Variants in AAGAB observed in about 807,000 individuals in gnomAD.
AAGAB encodes alpha- and gamma-adaptin-binding protein p34.
Under a neutral mutation model 44.1 loss-of-function variants are expected in AAGAB, and 38 were observed. That is an observed-to-expected ratio of 0.86 (90% CI 0.67 to 1.13). AAGAB has a LOEUF of 1.13. Among genes scored for constraint, AAGAB ranks in the 50% most tolerant of loss-of-function variants. AAGAB has a pLI of 0.00. For synonymous variants in AAGAB, 131 were observed against 131.8 expected (o/e 0.99, Z 0.04); for missense variants, 450 against 373.8 (o/e 1.20, Z -1.68).
At chr15:67,203,983 T>C in intron 8 of AAGAB, 61 bp downstream of exon 8, 1 of 1,024,520 alleles carries the variant, frequency 9.8e-7, no homozygotes. Context: ...AATAAAATGC[T>C]ACTACGTAAA....
At chr15:67,223,610 G>A (rs1964134214) in intron 5 of AAGAB, among the ~76,000 whole-genome samples, 1 of 151,982 alleles carries the variant, frequency 6.6e-6, no homozygotes. Flanking sequence ...ATTGTAATAG[G>A]CCCCTAAGAG....
Position 67,236,419 on chromosome 15 carries a change from ACT to A in AAGAB, c.348_349del (p.Arg116SerfsTer3), listed in dbSNP as rs1567027297. 2 of 1,613,954 alleles carry A rather than the reference ACT, an allele frequency of 1.2e-6. No homozygotes were observed. Among genetic ancestry groups the A allele is most frequent in the Non-Finnish European group, 1.7e-6 (2 of 1,179,920 alleles). ...TCCACAGGCCTTACCATCTTCAGACACTCTATCGCAGACCAAGATCATCACCT... is the reference window on the plus strand; with the variant it reads ...TCCACAGGCCTTACCATCTTCAGACACTATCGCAGACCAAGATCATCACCT... On this transcript the variant is annotated frameshift_variant, in exon 3 of 10. Coordinates refer to ENST00000261880, the MANE Select transcript of AAGAB (RefSeq NM_024666.5). LOFTEE classifies it high-confidence loss of function.
Position 67,242,134 on chromosome 15 carries a change from C to T in AAGAB, c.74-5314G>A, listed in dbSNP as rs146754415. On this transcript the variant is annotated intron_variant, in intron 1 of 9. Coordinates refer to ENST00000261880, the MANE Select transcript of AAGAB (RefSeq NM_024666.5). ...AGCGAAAAGACAGACTTTTAAAAAT[C>T]ATATCGGGGCCGGGCGCGGTGGCTC... Among the ~76,000 whole-genome samples the T allele has an allele frequency of 2.8e-3, 394 of 142,380 alleles. 14 individuals carry two copies. Among genetic ancestry groups the T allele is most frequent in the African/African-American group, 9.4e-3 (380 of 40,528 alleles). 93.4% of individuals were successfully genotyped at this position (142,380 alleles called of 152,430 possible).
chr15:67,203,431 A>G, intron 9 of AAGAB, 117 bp downstream of exon 9: 1 of 870,676 alleles, frequency 1.1e-6, no homozygotes, highest in Admixed American at 2.7e-5. Context: ...AGAAGTTAAT[A>G]TTCAATGAAA....
chr15:67,253,205 A>G (rs1964921324), intron 1 of AAGAB, among the ~76,000 whole-genome samples: 2 of 143,448 alleles, frequency 1.4e-5, no homozygotes, highest in African/African-American at 5.2e-5. Flanking sequence ...CAGGCAGATC[A>G]CTTGAGCCCG....
At chr15:67,210,609 G>A (rs1330470885) in intron 5 of AAGAB, among the ~76,000 whole-genome samples, 2 of 152,112 alleles carry the variant, frequency 1.3e-5, no homozygotes, top group South Asian at 2.1e-4. Flanking sequence ...TATTTACAAC[G>A]GAGGACAAAT....
intron 1 of AAGAB, among the ~76,000 whole-genome samples, chr15:67,240,129 A>G (rs1964561554): frequency 6.6e-6 from 1 of 152,248 alleles, no homozygotes; most frequent in South Asian, 2.1e-4. Context: ...CCTTTTAGGA[A>G]CACCAAAAAT....
intron 1 of AAGAB, among the ~76,000 whole-genome samples, chr15:67,240,269 TG>T (rs567982743): frequency 7.9e-4 from 120 of 152,310 alleles, no homozygotes; most frequent in African/African-American, 2.8e-3. Context: ...TTTTTGTTGT[TG>T]TTTTTTTGTT....
chr15:67,238,153 G>C (rs1254263765), intron 1 of AAGAB, among the ~76,000 whole-genome samples: 1 of 151,964 alleles, frequency 6.6e-6, no homozygotes, highest in African/African-American at 2.4e-5. Context: ...TTTTATTTTT[G>C]ATATAAAGCA....
intron 5 of AAGAB, among the ~76,000 whole-genome samples, chr15:67,222,242 G>GCGCACACACACACACACACACACACA (rs1367738219): frequency 8.9e-5 from 8 of 90,040 alleles, no homozygotes; most frequent in African/African-American, 1.5e-4. Flanking sequence ...GCGCGCGCGC[G>GCGCACACACACACACACACACACACA]CACACACACA....
chr15:67,244,888 T>C (rs1237754325), intron 1 of AAGAB, among the ~76,000 whole-genome samples: 1 of 151,812 alleles, frequency 6.6e-6, no homozygotes, highest in Non-Finnish European at 1.5e-5. Context: ...AAATGGACTA[T>C]ATGAACATGA....
chr15:67,215,794 C>A (rs1245418148), intron 5 of AAGAB, among the ~76,000 whole-genome samples: 2 of 152,140 alleles, frequency 1.3e-5, no homozygotes, highest in East Asian at 1.9e-4. Context: ...CACTTCTTGG[C>A]AAACTGAAAT....
intron 1 of AAGAB, among the ~76,000 whole-genome samples, chr15:67,253,628 C>A (rs980605523): frequency 1.3e-5 from 2 of 151,906 alleles, no homozygotes; most frequent in African/African-American, 4.8e-5. Flanking sequence ...GTGGTGTGAG[C>A]CTGCAGTCCC....
At chr15:67,246,439 C>T (rs1964724271) in intron 1 of AAGAB, among the ~76,000 whole-genome samples, 1 of 151,868 alleles carries the variant, frequency 6.6e-6, no homozygotes. Flanking sequence ...TGTCCTGGTC[C>T]ATCTTAATCT....
intron 1 of AAGAB, among the ~76,000 whole-genome samples, chr15:67,240,065 A>C (rs1368791840): frequency 2.6e-5 from 4 of 152,196 alleles, no homozygotes; most frequent in African/African-American, 4.8e-5. Context: ...ATCACACTTG[A>C]GTCTCTAATA....
At position 67,202,760 on chromosome 15, in the gene AAGAB, A is replaced by G. The variant is rs1963595431; in HGVS notation, c.*61T>C. On this transcript the variant is annotated 3_prime_UTR_variant, in exon 10 of 10. Coordinates refer to ENST00000261880, the MANE Select transcript of AAGAB (RefSeq NM_024666.5). The stretch of plus-strand genomic sequence containing the variant: ...ATTTTGGCAAAATATGACTGGGCTG[A>G]GTAGAGAGGTATCTCAGAGACAGCT... The G allele has an allele frequency of 4.5e-6, 7 of 1,549,434 alleles. No homozygotes were observed. The highest frequency in any genetic ancestry group is 6.2e-6 in the Non-Finnish European group (7 of 1,121,110).
At chr15:67,220,279 C>T (rs1235016343) in intron 5 of AAGAB, among the ~76,000 whole-genome samples, 1 of 152,198 alleles carries the variant, frequency 6.6e-6, no homozygotes. Flanking sequence ...ATCTTACTCA[C>T]GTCAGAGAGC....
chr15:67,248,442 G>A (rs950796560), intron 1 of AAGAB, among the ~76,000 whole-genome samples: 4 of 152,074 alleles, frequency 2.6e-5, no homozygotes, highest in African/African-American at 9.7e-5. Context: ...AACAAAATAA[G>A]TAACTTTGCT....
At chr15:67,219,514 A>C (rs945746524) in intron 5 of AAGAB, among the ~76,000 whole-genome samples, 4 of 152,214 alleles carry the variant, frequency 2.6e-5, no homozygotes, top group Admixed American at 1.3e-4. Flanking sequence ...CCTTTACAGC[A>C]GCATGGGTGC....
Sources: gnomAD v4.1 joint callset for allele counts (sites outside exome capture counted in the v4.1 genomes callset) on GRCh38, gnomAD v4.1.1 for gene constraint, MANE v1.5 for transcripts, NCBI Gene and HGNC (gene_info 2026-07-23, HGNC 2026-07-21) for gene names.